Variants in SYT9 observed in about 807,000 individuals in gnomAD.
SYT9 encodes synaptotagmin-9.
SYT9 carries 22 observed loss-of-function variants against 48.4 expected under a neutral mutation model. The ratio of observed to expected loss-of-function variants is 0.45; its 90% CI spans 0.32 to 0.65. The LOEUF (loss-of-function observed/expected upper bound fraction) is 0.65, where lower values mean the gene tolerates loss of function less well. Among genes scored for constraint, SYT9 ranks in the 30% least tolerant of loss-of-function variants. The pLI, the probability that SYT9 is intolerant of heterozygous loss-of-function variation, is 0.03. For missense variants in SYT9, 577 were observed against 622.0 expected, an observed-to-expected ratio of 0.93 and a Z score of 0.77; for synonymous variants, 265 against 245.0, an observed-to-expected ratio of 1.08 and a Z score of -0.76.
chr11:7,433,166 C>T (rs1448400137), intron 6 of SYT9, among the ~76,000 whole-genome samples: 2 of 152,104 alleles, frequency 1.3e-5, no homozygotes. Flanking sequence ...ACACTGGCTC[C>T]CTATTTGCCT....
intron 3 of SYT9, among the ~76,000 whole-genome samples, chr11:7,332,165 C>G (rs1849546183): frequency 6.6e-6 from 1 of 152,138 alleles, no homozygotes; most frequent in Admixed American, 6.6e-5. Flanking sequence ...AAAGGTGTAT[C>G]AGCTAAAGCC....
chr11:7,343,878 T>C (rs1333659864), intron 3 of SYT9, among the ~76,000 whole-genome samples: 1 of 152,150 alleles, frequency 6.6e-6, no homozygotes, highest in Admixed American at 6.5e-5. Context: ...TCTTACATGG[T>C]GGCAGGCAAG....
intron 2 of SYT9, among the ~76,000 whole-genome samples, chr11:7,312,598 G>A (rs777885714): frequency 6.6e-6 from 1 of 152,220 alleles, no homozygotes; most frequent in Non-Finnish European, 1.5e-5. Flanking sequence ...CACTTACAGG[G>A]TGAAGAAGAC....
At chr11:7,246,355 A>G (rs974566759) in intron 1 of SYT9, among the ~76,000 whole-genome samples, 4 of 152,170 alleles carry the variant, frequency 2.6e-5, no homozygotes, top group African/African-American at 9.7e-5. Context: ...ATTTCTCTAT[A>G]TATTACCCAG....
chr11:7,398,022 G>A (rs1236941998), intron 3 of SYT9, among the ~76,000 whole-genome samples: 1 of 152,294 alleles, frequency 6.6e-6, no homozygotes, highest in Non-Finnish European at 1.5e-5. Flanking sequence ...CAGAAGAGAT[G>A]AGAGCAGACA....
intron 3 of SYT9, among the ~76,000 whole-genome samples, chr11:7,409,658 C>T (rs1165405715): frequency 6.6e-6 from 1 of 151,976 alleles, no homozygotes; most frequent in Non-Finnish European, 1.5e-5. Context: ...TGTTAGTGTA[C>T]AGTTATTCAT....
At chr11:7,465,005 A>G (rs945613687) in intron 6 of SYT9, among the ~76,000 whole-genome samples, 6 of 151,588 alleles carry the variant, frequency 4.0e-5, no homozygotes, top group Middle Eastern at 3.2e-3. Flanking sequence ...GGAGAATGGC[A>G]TGAACCCGGG....
intron 3 of SYT9, among the ~76,000 whole-genome samples, chr11:7,358,106 G>A (rs192900972): frequency 7.2e-4 from 110 of 152,160 alleles, no homozygotes; most frequent in Middle Eastern, 3.4e-3. Flanking sequence ...ATGTTAAGAG[G>A]TGATGAGTAC....
upstream of SYT9, among the ~76,000 whole-genome samples, chr11:7,247,260 C>G (rs1047777985): frequency 2.6e-5 from 4 of 152,024 alleles, no homozygotes; most frequent in Non-Finnish European, 4.4e-5. Context: ...CCTTCCCACC[C>G]TTTCCCCTGA....
intron 3 of SYT9, among the ~76,000 whole-genome samples, chr11:7,325,181 G>T (rs1849408063): frequency 6.6e-6 from 1 of 151,592 alleles, no homozygotes; most frequent in African/African-American, 2.4e-5. Context: ...GGATGGCATT[G>T]AATCTGTAAA....
At chr11:7,395,696 T>A (rs1304201231) in intron 3 of SYT9, among the ~76,000 whole-genome samples, 1 of 152,164 alleles carries the variant, frequency 6.6e-6, no homozygotes, top group Non-Finnish European at 1.5e-5. Context: ...GCGTAATAGA[T>A]TTTTCTCCAT....
In SYT9 at chr11:7,305,048, T is replaced by A. The variant is rs538469565; in HGVS notation, c.497+1658T>A. ...GATAGCAATGATGCCACTATAATTATCACAATATTTATACTGGGAAAGTAT... is the reference window on the plus strand; with the variant it reads ...GATAGCAATGATGCCACTATAATTAACACAATATTTATACTGGGAAAGTAT... On this transcript the variant is annotated intron_variant, in intron 2 of 6. Coordinates refer to ENST00000318881, the MANE Select transcript of SYT9 (RefSeq NM_175733.4). Among the ~76,000 whole-genome samples the A allele has an allele frequency of 3.3e-5, 5 of 152,264 alleles. No homozygotes were observed. In the South Asian group the frequency reaches 1.0e-3, roughly 32 times the overall value.
intron 3 of SYT9, among the ~76,000 whole-genome samples, chr11:7,336,817 T>A (rs1157558107): frequency 6.6e-6 from 1 of 152,178 alleles, no homozygotes; most frequent in African/African-American, 2.4e-5. Context: ...TGCTTAGAAT[T>A]GCCCTGGCTA....
At chr11:7,244,008 G>C (rs368080388) in intron 1 of SYT9, among the ~76,000 whole-genome samples, 11 of 151,800 alleles carry the variant, frequency 7.2e-5, no homozygotes, top group East Asian at 3.9e-4. Context: ...CTCAGTCTCA[G>C]TTAAGCAGAA....
intron 1 of SYT9, among the ~76,000 whole-genome samples, chr11:7,269,089 A>G (rs1848247756): frequency 6.6e-6 from 1 of 152,032 alleles, no homozygotes; most frequent in South Asian, 2.1e-4. Flanking sequence ...TTAGTATTCC[A>G]TTAGATGGAT....
intron 1 of SYT9, among the ~76,000 whole-genome samples, chr11:7,281,477 G>A (rs763700950): frequency 2.5e-4 from 38 of 152,176 alleles, no homozygotes; most frequent in Non-Finnish European, 5.3e-4. Flanking sequence ...GTGATGTTAT[G>A]ATATTACTGC....
At chr11:7,388,053 T>C (rs1445441531) in intron 3 of SYT9, among the ~76,000 whole-genome samples, 1 of 152,168 alleles carries the variant, frequency 6.6e-6, no homozygotes, top group African/African-American at 2.4e-5. Context: ...TTGTGTATTT[T>C]TGGAAATATT....
At chr11:7,328,937 T>G (rs1849482700) in intron 3 of SYT9, among the ~76,000 whole-genome samples, 1 of 152,218 alleles carries the variant, frequency 6.6e-6, no homozygotes. Flanking sequence ...TTTTGAGAAA[T>G]CAACCGCTCT....
At chr11:7,371,290 G>A (rs1423424696) in intron 3 of SYT9, among the ~76,000 whole-genome samples, 1 of 126,506 alleles carries the variant, frequency 7.9e-6, no homozygotes, top group Non-Finnish European at 1.7e-5. Flanking sequence ...ATTTTGATAT[G>A]AATGAACATC....
Sources: gnomAD v4.1 joint callset for allele counts (sites outside exome capture counted in the v4.1 genomes callset) on GRCh38, gnomAD v4.1.1 for gene constraint, MANE v1.5 for transcripts, NCBI Gene and HGNC (gene_info 2026-07-23, HGNC 2026-07-21) for gene names.